The following ODAD2 variants were observed in gnomAD, a reference collection of about 807,000 sequenced individuals.
ODAD2 encodes the protein outer dynein arm docking complex subunit 2, also known as outer dynein arm-docking complex subunit 2.
A neutral mutation model predicts 106.8 loss-of-function variants in ODAD2; 89 were observed. That is an observed-to-expected ratio of 0.83 (90% confidence interval 0.70 to 0.99). ODAD2 has a LOEUF of 0.99. Among genes scored for constraint, ODAD2 ranks in the 50% least tolerant of loss-of-function variants. The pLI is 0.00. For missense variants in ODAD2, 1,168 were observed against 1,238.5 expected (o/e 0.94, Z 0.85); for synonymous variants, 404 against 436.2 (o/e 0.93, Z 0.92).
At chr10:27,965,141 A>C (rs1848407791) in intron 9 of ODAD2, among the ~76,000 whole-genome samples, 1 of 152,198 alleles carries the variant, frequency 6.6e-6, no homozygotes, top group Non-Finnish European at 1.5e-5. Flanking sequence ...AGTGATAGTC[A>C]GTCAATGTCA....
chr10:27,954,828 T>A (rs76494807), intron 10 of ODAD2, among the ~76,000 whole-genome samples: 1,827 of 152,282 alleles, frequency 0.012, 38 homozygotes, highest in African/African-American at 0.042. Flanking sequence ...CACGACAAAT[T>A]CTTTTGTGGG....
At chr10:27,851,370 C>T (rs549171735) in intron 19 of ODAD2, among the ~76,000 whole-genome samples, 53 of 151,822 alleles carry the variant, frequency 3.5e-4, no homozygotes, top group African/African-American at 1.3e-3. Context: ...TCCTGTTCCC[C>T]CAAAAAATAA....
intron 16 of ODAD2, among the ~76,000 whole-genome samples, chr10:27,924,479 C>T (rs1184438296): frequency 1.4e-5 from 2 of 146,798 alleles, no homozygotes; most frequent in East Asian, 2.0e-4. Flanking sequence ...CCAAAAGAGA[C>T]CAAAATGAAT....
At chr10:27,885,567 T>TAA (rs1783057126) in intron 17 of ODAD2, among the ~76,000 whole-genome samples, 1 of 69,760 alleles carries the variant, frequency 1.4e-5, no homozygotes, top group Non-Finnish European at 2.6e-5. Flanking sequence ...AATATAAATA[T>TAA]ATATATATAT....
chr10:27,823,967 C>T (rs1233827824), intron 19 of ODAD2, among the ~76,000 whole-genome samples: 6 of 123,126 alleles, frequency 4.9e-5, no homozygotes, highest in Non-Finnish European at 7.8e-5. Flanking sequence ...GGTGAAACCC[C>T]GTCTCTACTA....
intron 10 of ODAD2, among the ~76,000 whole-genome samples, chr10:27,946,475 C>A (rs1366732816): frequency 6.6e-6 from 1 of 152,150 alleles, no homozygotes; most frequent in East Asian, 1.9e-4. Flanking sequence ...GTGATCAAAT[C>A]AGGATAATTG....
chr10:27,848,891 G>A (rs1161621650), intron 19 of ODAD2, among the ~76,000 whole-genome samples: 2 of 152,178 alleles, frequency 1.3e-5, no homozygotes, highest in Non-Finnish European at 2.9e-5. Context: ...TCATTAAAAA[G>A]TCAGGAAACA....
chr10:27,845,447 G>A (rs566481834), intron 19 of ODAD2, among the ~76,000 whole-genome samples: 2 of 152,272 alleles, frequency 1.3e-5, no homozygotes, highest in South Asian at 4.1e-4. Flanking sequence ...GGAACAGCTG[G>A]TACCAGCCAC....
At chr10:27,817,692 A>G (rs749134925) in intron 19 of ODAD2, among the ~76,000 whole-genome samples, 23 of 152,274 alleles carry the variant, frequency 1.5e-4, no homozygotes, top group Middle Eastern at 3.4e-3. Flanking sequence ...CTGAGTAGGC[A>G]TTCTATGGCA....
At chr10:27,817,519 G>T (rs533288456) in intron 19 of ODAD2, among the ~76,000 whole-genome samples, 1 of 151,816 alleles carries the variant, frequency 6.6e-6, no homozygotes, top group Non-Finnish European at 1.5e-5. Context: ...CATCTTTTGG[G>T]GTCTCCAATG....
rs1849710760 is a variant in ODAD2, at chr10:27,983,879, GCA to G, written c.781_782del (p.Cys261HisfsTer17). 2 of 1,612,804 alleles carry G rather than the reference GCA, an allele frequency of 1.2e-6. No homozygotes were observed. The highest frequency in any genetic ancestry group is 1.3e-5 in the African/African-American group (1 of 74,768). On this transcript the variant is annotated frameshift_variant, in exon 6 of 20. Coordinates refer to ENST00000305242, the MANE Select transcript of ODAD2 (RefSeq NM_018076.5). LOFTEE classifies it high-confidence loss of function. ...LVKPHDGETL[C>X]ITCSAGGVFL... ...ATACTCCTCCTGCACTGCAAGTAAT[GCA>G]CAGAGTCTCACCATCGTGAGGTTTC...
At chr10:27,871,869 G>C (rs1489495197) in intron 17 of ODAD2, among the ~76,000 whole-genome samples, 3 of 152,226 alleles carry the variant, frequency 2.0e-5, no homozygotes, top group African/African-American at 7.2e-5. Context: ...GAACTTTACA[G>C]TAGTTTTTTC....
intron 19 of ODAD2, among the ~76,000 whole-genome samples, chr10:27,850,041 A>G (rs796768276): frequency 1.8e-4 from 27 of 152,344 alleles, no homozygotes; most frequent in East Asian, 9.7e-4. Context: ...ACACAGCACT[A>G]AAGTGAATAT....
intron 12 of ODAD2, among the ~76,000 whole-genome samples, chr10:27,943,389 A>G (rs1846591718): frequency 6.6e-6 from 1 of 152,108 alleles, no homozygotes; most frequent in African/African-American, 2.4e-5. Flanking sequence ...TTTTTTAAAG[A>G]TGGTAGGTAC....
At chr10:27,970,638 T>C (rs924984840) in intron 8 of ODAD2, among the ~76,000 whole-genome samples, 7 of 152,082 alleles carry the variant, frequency 4.6e-5, no homozygotes, top group Admixed American at 2.0e-4. Context: ...TGGAGGGACA[T>C]GTAAATATAT....
intron 2 of ODAD2, among the ~76,000 whole-genome samples, chr10:27,994,505 G>A (rs573622223): frequency 6.6e-6 from 1 of 152,150 alleles, no homozygotes; most frequent in African/African-American, 2.4e-5. Flanking sequence ...TGAGGCAGGA[G>A]GATCACTTGA....
chr10:27,882,866 C>T (rs955889158), intron 17 of ODAD2, among the ~76,000 whole-genome samples: 5 of 151,588 alleles, frequency 3.3e-5, no homozygotes, highest in African/African-American at 1.2e-4. Context: ...TAAGACTTCA[C>T]ACAGTAAGTA....
chr10:27,907,269 C>G (rs1186788905), intron 17 of ODAD2, among the ~76,000 whole-genome samples: 1 of 152,152 alleles, frequency 6.6e-6, no homozygotes, highest in Admixed American at 6.5e-5. Context: ...TGCTCTCTCA[C>G]TGCAGGCTGT....
chr10:27,964,616 T>C (rs12779664), intron 9 of ODAD2, among the ~76,000 whole-genome samples: 57,681 of 152,034 alleles, frequency 0.38, 12,334 homozygotes, highest in Middle Eastern at 0.59. Flanking sequence ...CTGTTTTCAT[T>C]TTAGGGACCA....
Sources: allele counts gnomAD v4.1 joint callset (sites outside exome capture counted in the v4.1 genomes callset), GRCh38; gene constraint gnomAD v4.1.1; transcripts MANE v1.5; gene names NCBI Gene and HGNC (gene_info 2026-07-23, HGNC 2026-07-21).